GCSAM: variants seen among roughly 807,000 people sequenced by gnomAD.
GCSAM encodes the protein germinal center-associated signaling and motility protein.
GCSAM carries 8 observed loss-of-function variants against 17.6 expected under a neutral mutation model. The ratio of observed to expected loss-of-function variants is 0.46; its 90% CI spans 0.27 to 0.82. The LOEUF (loss-of-function observed/expected upper bound fraction) is 0.82. GCSAM is among the 40% of genes least tolerant of loss of function. The probability of loss-of-function intolerance (pLI) is 0.15; values close to 1 mark genes in which losing one functional copy is unlikely to be tolerated. For missense variants in GCSAM, 192 were observed against 213.5 expected (o/e 0.90, Z 0.63); for synonymous variants, 68 against 69.0 (o/e 0.98, Z 0.07).
In GCSAM at chr3:112,128,013, T is replaced by A; in HGVS notation, c.143+4A>T. 6.2e-6 allele frequency: 10 copies of A among 1,612,942 alleles called. No homozygotes were observed. Among genetic ancestry groups the A allele is most frequent in the Non-Finnish European group, 8.5e-6 (10 of 1,179,016 alleles). On this transcript the variant is annotated splice_donor_region_variant and intron_variant, in intron 3 of 5. Coordinates refer to ENST00000308910, the MANE Select transcript of GCSAM (RefSeq NM_152785.5). The stretch of plus-strand genomic sequence containing the variant: ...ATAACTCCTAAAAACAACTGTCCAC[T>A]CACCATGGAAGGCAGAAACACCCTT...
intron 3 of GCSAM, 48 bp downstream of exon 3, chr3:112,127,967 ATT>A (rs1328360956): frequency 1.3e-6 from 2 of 1,543,394 alleles, no homozygotes; most frequent in Middle Eastern, 1.7e-4. Flanking sequence ...CAAATACCAC[ATT>A]GAAACCACAC....
chr3:112,120,915 A>AT lies in GCSAM; in HGVS notation c.*2539dup, dbSNP rs1190151479. Reference sequence around the variant, plus strand: ...TTAAGTATATTACACTCATATCAGAATTTTTTAACTCTTTTTTTGTTCTTA... The same window carrying AT: ...TTAAGTATATTACACTCATATCAGAATTTTTTTAACTCTTTTTTTGTTCTTA... On this transcript the variant is annotated 3_prime_UTR_variant, in exon 6 of 6. Coordinates refer to ENST00000308910, the MANE Select transcript of GCSAM (RefSeq NM_152785.5). 2 of 152,140 alleles carry AT rather than the reference A, an allele frequency of 1.3e-5. No individual in the cohort carries two copies. Among genetic ancestry groups the AT allele is most frequent in the South Asian group, 4.1e-4 (2 of 4,828 alleles). The allele number at this position is 152,140 out of a possible 1,614,324, so 9.4% of individuals were successfully genotyped here. A position where few individuals can be genotyped will look rare whatever the true frequency, so the allele number is the denominator to read the frequency against.
chr3:112,127,867 G>T (rs1395386499), intron 3 of GCSAM, 150 bp downstream of exon 3: 5 of 649,756 alleles, frequency 7.7e-6, no homozygotes. Flanking sequence ...AAATTGGAAG[G>T]ATTGCTTCCC....
At chr3:112,132,536 G>A (rs1188680286) in intron 1 of GCSAM, 9 of 421,782 alleles carry the variant, frequency 2.1e-5, no homozygotes, top group Admixed American at 1.3e-4. Context: ...AACTCTCTAA[G>A]GTAGATATTG....
In GCSAM at chr3:112,122,410, T is replaced by C. The variant is rs1386770747; in HGVS notation, c.*1045A>G. 1.6e-4 allele frequency: 25 copies of C among 151,934 alleles called. No homozygotes were observed. Among genetic ancestry groups the C allele is most frequent in the Admixed American group, 1.6e-3 (25 of 15,254 alleles). The allele number at this position is 151,934 out of a possible 1,614,324, so 9.4% of individuals were successfully genotyped here. ...GAGTGGGCTAGATTTGGCCTGGGGGTTATAGTTTGCTGATCCCTGGTTTAG... is the reference window on the plus strand; with the variant it reads ...GAGTGGGCTAGATTTGGCCTGGGGGCTATAGTTTGCTGATCCCTGGTTTAG... On this transcript the variant is annotated 3_prime_UTR_variant, in exon 6 of 6. Coordinates refer to ENST00000308910, the MANE Select transcript of GCSAM (RefSeq NM_152785.5).
In GCSAM at chr3:112,125,239, G is replaced by C. The variant is rs2074289798; in HGVS notation, c.206C>G (p.Ser69Cys). The part of the protein sequence containing the change: ...DSQNENERMS[S>C]TPIQDNVDQT... ...TGTTCTTATTACCTGGATGGGAGTA[G>C]ATGACATTCTTTCATCTGGAGAAAG... Residue 69 changes from serine (S) to cysteine (C), a missense_variant, in exon 5 of 6, where the codon TCT becomes TGT. Physicochemically the swap from Ser to Cys is moderately radical, Grantham distance 112. Coordinates refer to ENST00000308910, the MANE Select transcript of GCSAM (RefSeq NM_152785.5). 3 of 1,581,034 alleles carry C rather than the reference G, an allele frequency of 1.9e-6. No homozygotes were observed. The highest frequency in any genetic ancestry group is 2.6e-6 in the Non-Finnish European group (3 of 1,150,120).
intron 1 of GCSAM, among the ~76,000 whole-genome samples, chr3:112,132,169 G>A (rs540166339): frequency 2.0e-5 from 3 of 152,262 alleles, no homozygotes; most frequent in South Asian, 2.1e-4. Flanking sequence ...GGGTAGAGAA[G>A]TCTCAGACAA....
chr3:112,124,690 T>C (rs932564897), intron 5 of GCSAM, among the ~76,000 whole-genome samples: 2 of 152,210 alleles, frequency 1.3e-5, no homozygotes, highest in African/African-American at 4.8e-5. Flanking sequence ...CCTCTAGAGA[T>C]ATTTATGTTA....
At position 112,133,206 on chromosome 3, in the gene GCSAM, A is replaced by G; in HGVS notation, c.-86T>C. On this transcript the variant is annotated 5_prime_UTR_variant, in exon 1 of 6. Coordinates refer to ENST00000308910, the MANE Select transcript of GCSAM (RefSeq NM_152785.5). ...TCTGACAGGGCAACTCCTGACTTAAAGAAAGGGCTGTGTGGCTCTGGCCAC... is the reference window on the plus strand; with the variant it reads ...TCTGACAGGGCAACTCCTGACTTAAGGAAAGGGCTGTGTGGCTCTGGCCAC... 6.8e-7 allele frequency: 1 copy of G among 1,464,582 alleles called. No individual in the cohort carries two copies. Among genetic ancestry groups the G allele is most frequent in the Non-Finnish European group, 9.6e-7 (1 of 1,045,194 alleles). 90.7% of individuals were successfully genotyped at this position (1,464,582 alleles called of 1,614,324 possible). A position where few individuals can be genotyped will look rare whatever the true frequency, so the allele number is the denominator to read the frequency against.
intron 1 of GCSAM, chr3:112,130,856 T>TA: frequency 3.1e-6 from 1 of 326,692 alleles, no homozygotes. Context: ...TACCATCTCT[T>TA]TGGTGCAGTT....
chr3:112,127,166 T>C, intron 3 of GCSAM, 133 bp from the exon 4 acceptor site: 1 of 570,352 alleles, frequency 1.8e-6, no homozygotes, highest in South Asian at 2.5e-5. Context: ...TCAGCATAGA[T>C]GAGTTAAGTA....
At chr3:112,126,547 T>TA (rs2074323597) in intron 4 of GCSAM, among the ~76,000 whole-genome samples, 1 of 152,232 alleles carries the variant, frequency 6.6e-6, no homozygotes, top group African/African-American at 2.4e-5. Context: ...ACCTGGGTGA[T>TA]ATCTTTAATA....
intron 5 of GCSAM, among the ~76,000 whole-genome samples, chr3:112,124,256 A>G (rs1354716434): frequency 6.6e-6 from 1 of 152,200 alleles, no homozygotes; most frequent in Non-Finnish European, 1.5e-5. Flanking sequence ...CAAGTGGACT[A>G]AGACACTACC....
chr3:112,123,213 C>A lies in GCSAM; in HGVS notation c.*242G>T, dbSNP rs2074233071. On this transcript the variant is annotated 3_prime_UTR_variant, in exon 6 of 6. Transcript: ENST00000308910. ...CCTCCTACCACTATACTCTCCAAAC[C>A]ATGTAGAACCAAAGATGGTTACCTC... The A allele has an allele frequency of 7.6e-6, 5 of 654,910 alleles. No homozygotes were observed. The highest frequency in any genetic ancestry group is 1.2e-5 in the Non-Finnish European group (5 of 404,620). The allele number at this position is 654,910 out of a possible 1,614,324, so 40.6% of individuals were successfully genotyped here.
intron 1 of GCSAM, among the ~76,000 whole-genome samples, chr3:112,132,053 C>T (rs2074467331): frequency 6.6e-6 from 1 of 151,940 alleles, no homozygotes; most frequent in Non-Finnish European, 1.5e-5. Context: ...AAATAAGAAA[C>T]AATCACTACA....
In GCSAM at chr3:112,123,453, C is replaced by A. The variant is rs373437507; in HGVS notation, c.*2G>T. On this transcript the variant is annotated 3_prime_UTR_variant, in exon 6 of 6. Transcript: ENST00000308910. Reference sequence around the variant, plus strand: ...TAAACAAATGCTAGTCCAGCCACTTCACTATAAATGGGAAAACTGAGTCTC... The same window carrying A: ...TAAACAAATGCTAGTCCAGCCACTTAACTATAAATGGGAAAACTGAGTCTC... The A allele has an allele frequency of 2.9e-5, 46 of 1,613,036 alleles. No individual in the cohort carries two copies. Among genetic ancestry groups the A allele is most frequent in the Non-Finnish European group, 3.6e-5 (43 of 1,179,482 alleles).
At chr3:112,131,570 T>G (rs924955323) in intron 1 of GCSAM, among the ~76,000 whole-genome samples, 1 of 152,222 alleles carries the variant, frequency 6.6e-6, no homozygotes, top group Non-Finnish European at 1.5e-5. Context: ...CAAGCAATCC[T>G]CCTGCCTCAG....
intron 2 of GCSAM, 112 bp from the exon 3 acceptor site, chr3:112,128,173 G>A (rs767910710): frequency 1.2e-4 from 105 of 879,196 alleles, no homozygotes; most frequent in South Asian, 2.5e-4. Context: ...CCCCGCAAGC[G>A]TGTTTCATTC....
At chr3:112,130,687 T>C in intron 1 of GCSAM, 174 bp from the exon 2 acceptor site, 1 of 635,378 alleles carries the variant, frequency 1.6e-6, no homozygotes, top group Non-Finnish European at 2.9e-6. Context: ...CAAGCTACCT[T>C]TGATCTGACA....
Sources: gnomAD v4.1 joint callset for allele counts (sites outside exome capture counted in the v4.1 genomes callset) on GRCh38, gnomAD v4.1.1 for gene constraint, MANE v1.5 for transcripts, NCBI Gene and HGNC (gene_info 2026-07-23, HGNC 2026-07-21) for gene names.